The following ABCC6 variants were observed in gnomAD, a reference collection of about 807,000 sequenced individuals.
ABCC6 encodes ATP-binding cassette sub-family C member 6.
In ABCC6, 126 loss-of-function variants were observed where a neutral mutation model predicts 169.5. The ratio of observed to expected loss-of-function variants is 0.74; its 90% confidence interval spans 0.64 to 0.86. The LOEUF (loss-of-function observed/expected upper bound fraction) is 0.86. Among genes scored for constraint, ABCC6 ranks in the 40% least tolerant of loss-of-function variants. ABCC6 has a pLI of 0.00. For synonymous variants in ABCC6, 752 were observed against 814.7 expected (o/e 0.92, Z 1.31); for missense variants, 1,733 against 1,927.2 (o/e 0.90, Z 1.89).
chr16:16,163,009 G>T lies in ABCC6; in HGVS notation c.3490C>A (p.Arg1164=). The T allele has an allele frequency of 6.2e-7, 1 of 1,614,070 alleles. No individual in the cohort carries two copies. Among genetic ancestry groups the T allele is most frequent in the East Asian group, 2.2e-5 (1 of 44,874 alleles). Residue 1164 remains arginine (R), a synonymous_variant, in exon 24 of 31, where the codon CGA becomes AGA. Transcript: ENST00000205557. ...TCTTCCTACCTGTCAGCCACCAGTC[G>T]CGGGAAACTGATCCTCTGGCTTTCA... is the stretch of plus-strand genomic sequence containing the variant. ...VDESQRISFP[R]LVADRWLAAN...
chr16:16,215,766 G>A (rs924686189), intron 4 of ABCC6, among the ~76,000 whole-genome samples: 9 of 151,708 alleles, frequency 5.9e-5, no homozygotes, highest in African/African-American at 1.2e-4. Flanking sequence ...GAGCCACCGC[G>A]CCCGGCCTGA....
At chr16:16,196,392 G>A (rs1272906315) in intron 10 of ABCC6, among the ~76,000 whole-genome samples, 1 of 152,112 alleles carries the variant, frequency 6.6e-6, no homozygotes, top group East Asian at 1.9e-4. Context: ...GAGATGGTGT[G>A]GCCTCCAGTG....
In ABCC6 at chr16:16,184,993, C is replaced by A; in HGVS notation, c.1909G>T (p.Ala637Ser). 6.2e-7 allele frequency: 1 copy of A among 1,613,816 alleles called. No individual in the cohort carries two copies. Among genetic ancestry groups the A allele is most frequent in the Admixed American group, 1.7e-5 (1 of 60,008 alleles). ...CAGGGAGGGCTTTCCTGGGACCAGG[C>A]GAAGGTGGCACTGTGTATGGTGATG... ...DCITIHSATF[A>S]WSQESPPCLH... The change falls in exon 15 of 31, where the codon GCC (alanine) becomes TCC (serine). Residue 637 changes from alanine to serine, a missense_variant. Ala to Ser is a moderately conservative substitution (Grantham distance 99). Coordinates refer to ENST00000205557, the MANE Select transcript of ABCC6 (RefSeq NM_001171.6).
At chr16:16,196,521 G>A (rs950062220) in intron 10 of ABCC6, among the ~76,000 whole-genome samples, 2 of 152,154 alleles carry the variant, frequency 1.3e-5, no homozygotes, top group African/African-American at 4.8e-5. Flanking sequence ...ATATGGGCTC[G>A]TTTAATGCCT....
intron 23 of ABCC6, 64 bp downstream of exon 23, chr16:16,165,559 A>AGT: frequency 2.6e-6 from 4 of 1,566,868 alleles, no homozygotes; most frequent in Non-Finnish European, 3.5e-6. Flanking sequence ...AGTCTTCCCC[A>AGT]GAGACAGGGG....
intron 14 of ABCC6, among the ~76,000 whole-genome samples, chr16:16,186,534 T>G (rs1339728983): frequency 6.6e-6 from 1 of 151,314 alleles, no homozygotes; most frequent in Admixed American, 6.6e-5. Flanking sequence ...CAGCAATAGA[T>G]TCTCAAAGGA....
chr16:16,189,511 G>T (rs1230306855), intron 12 of ABCC6, among the ~76,000 whole-genome samples: 1 of 151,286 alleles, frequency 6.6e-6, no homozygotes, highest in African/African-American at 2.4e-5. Flanking sequence ...TCTGCCTCCT[G>T]GGTTCAAGTG....
At chr16:16,221,946 A>C in intron 1 of ABCC6, 115 bp from the exon 2 acceptor site, 1 of 1,558,524 alleles carries the variant, frequency 6.4e-7, no homozygotes, top group Non-Finnish European at 8.7e-7. Context: ...AAATGTACCA[A>C]GTACTCTTTG....
intron 26 of ABCC6, 124 bp from the exon 27 acceptor site, chr16:16,157,933 G>T: frequency 9.4e-7 from 1 of 1,065,244 alleles, no homozygotes; most frequent in Non-Finnish European, 1.3e-6. Flanking sequence ...TGTTTTACAG[G>T]GTTGTTATGG....
intron 4 of ABCC6, among the ~76,000 whole-genome samples, chr16:16,215,915 AT>A (rs761232772): frequency 9.9e-5 from 15 of 151,932 alleles, no homozygotes; most frequent in Non-Finnish European, 1.9e-4. Context: ...TCTTGTAGTT[AT>A]TTTATTTTTT....
intron 30 of ABCC6, 116 bp downstream of exon 30, chr16:16,150,462 C>T (rs982206144): frequency 1.3e-6 from 2 of 1,503,984 alleles, no homozygotes; most frequent in Non-Finnish European, 8.9e-7. Flanking sequence ...CCCGCTCTGG[C>T]CCCATTCAGG....
At chr16:16,173,643 T>G (rs1205189978) in intron 20 of ABCC6, among the ~76,000 whole-genome samples, 1 of 152,054 alleles carries the variant, frequency 6.6e-6, no homozygotes, top group African/African-American at 2.4e-5. Flanking sequence ...CTGATGCCAA[T>G]TCACAGGATG....
Position 16,150,016 on chromosome 16 carries a change from A to G in ABCC6, c.*117T>C. ...CTCTGCCATTTTCCTCCCAGAGAGC[A>G]AACACAGGTCTAGACTCAATATCGT... On this transcript the variant is annotated 3_prime_UTR_variant, in exon 31 of 31. Transcript: ENST00000205557. 6 of 1,478,556 alleles carry G rather than the reference A, an allele frequency of 4.1e-6. No homozygotes were observed. The highest frequency in any genetic ancestry group is 5.5e-6 in the Non-Finnish European group (6 of 1,081,996). 91.6% of individuals were successfully genotyped at this position (1,478,556 alleles called of 1,614,324 possible).
chr16:16,178,968 G>C lies in ABCC6; in HGVS notation c.2248-3C>G, dbSNP rs979204816. ...TGGCCTCCGGAGAGATTCATGCCCT[G>C]TGGCCACAAAAGGAACAGTGGCCTG... On this transcript the variant is annotated splice_region_variant and splice_polypyrimidine_tract_variant and intron_variant, in intron 17 of 30. Transcript: ENST00000205557. 1 of 1,612,164 alleles carries C rather than the reference G, an allele frequency of 6.2e-7. No homozygotes were observed.
In ABCC6 at chr16:16,173,380, C is replaced by T. The variant is rs1434564631; in HGVS notation, c.2691G>A (p.Lys897=). 2 of 1,613,922 alleles carry T rather than the reference C, an allele frequency of 1.2e-6. No individual in the cohort carries two copies. The highest frequency in any genetic ancestry group is 2.7e-5 in the African/African-American group (2 of 74,870). Residue 897 remains lysine, a synonymous_variant, in exon 21 of 31, where the codon AAG becomes AAA. Coordinates refer to ENST00000205557, the MANE Select transcript of ABCC6 (RefSeq NM_001171.6). ...RERSIKSVPE[K]DRTTSEAQTE... is the part of the protein sequence containing the mutation. ...TCTGGGCTTCTGAAGTGGTACGGTC[C>T]TTCTCAGGGACTGACTTGATGGACC...
intron 10 of ABCC6, among the ~76,000 whole-genome samples, chr16:16,195,559 G>T (rs71378228): frequency 5.3e-5 from 8 of 151,852 alleles, no homozygotes; most frequent in African/African-American, 1.9e-4. Context: ...GTGTTCTGCC[G>T]GCCTTCACCT....
At position 16,174,906 on chromosome 16, in the gene ABCC6, A is replaced by G. The variant is rs2047228563; in HGVS notation, c.2666+1005T>C. 2.0e-5 allele frequency among the ~76,000 whole-genome samples: 3 copies of G among 150,768 alleles called. 1 individual carries two copies. The highest frequency in any genetic ancestry group is 4.4e-5 in the Non-Finnish European group (3 of 67,740). On this transcript the variant is annotated intron_variant, in intron 20 of 30. Coordinates refer to ENST00000205557, the MANE Select transcript of ABCC6 (RefSeq NM_001171.6). The stretch of plus-strand genomic sequence containing the variant: ...CTCCCGAGTAGCTGGGACTACAGGC[A>G]CATGCCACCACGCCGGCTTTTTTTT...
intron 4 of ABCC6, among the ~76,000 whole-genome samples, 194 bp downstream of exon 4, chr16:16,219,360 T>G (rs2856596): frequency 7.9e-5 from 12 of 152,210 alleles, no homozygotes; most frequent in Middle Eastern, 3.4e-3. Context: ...GAAATTGTGT[T>G]GATAAGAAAT....
intron 21 of ABCC6, among the ~76,000 whole-genome samples, chr16:16,170,943 AAAGAAAGAAAGAAAG>A (rs1567486912): frequency 1.1e-5 from 1 of 93,076 alleles, no homozygotes; most frequent in Non-Finnish European, 1.9e-5. Context: ...AAAAAAAAAG[AAAGAAAGAAAGAAAG>A]AAAGAAAGAA....
Sources: allele counts gnomAD v4.1 joint callset (sites outside exome capture counted in the v4.1 genomes callset), GRCh38; gene constraint gnomAD v4.1.1; transcripts MANE v1.5; gene names NCBI Gene and HGNC (gene_info 2026-07-23, HGNC 2026-07-21).